The following EDN1 variants were observed in gnomAD, a reference collection of about 807,000 sequenced individuals.
EDN1 encodes the protein endothelin 1.
Under a neutral mutation model 21.7 loss-of-function variants are expected in EDN1, and 11 were observed. That is an observed-to-expected ratio of 0.51 (90% confidence interval 0.32 to 0.84). The LOEUF is 0.84. Among genes scored for constraint, EDN1 ranks in the 40% least tolerant of loss-of-function variants. The pLI is 0.03. For synonymous variants in EDN1, 85 were observed against 90.6 expected, an observed-to-expected ratio of 0.94 and a Z score of 0.35; for missense variants, 244 against 262.3, an observed-to-expected ratio of 0.93 and a Z score of 0.48.
At chr6:12,269,949 G>C in the EDN1 span, among the ~76,000 whole-genome samples, 1 of 152,002 alleles carries the variant, frequency 6.6e-6, no homozygotes, top group South Asian at 2.1e-4. Context: ...GCTTTTCTTT[G>C]ATGGGAGATG....
the EDN1 span, among the ~76,000 whole-genome samples, chr6:12,244,089 G>A: frequency 6.6e-6 from 1 of 151,908 alleles, no homozygotes; most frequent in Non-Finnish European, 1.5e-5. Context: ...TTTCATTTGT[G>A]TGGGTTACAT....
chr6:12,284,563 AAAGC>A, the EDN1 span, among the ~76,000 whole-genome samples: 163 of 149,734 alleles, frequency 1.1e-3, no homozygotes, highest in Non-Finnish European at 1.3e-3. Context: ...GAAGGAAGGA[AAAGC>A]AAGCAAGCAA....
At chr6:12,253,933 G>A in the EDN1 span, among the ~76,000 whole-genome samples, 1 of 151,970 alleles carries the variant, frequency 6.6e-6, no homozygotes, top group Admixed American at 6.6e-5. Context: ...TTCCCTTTGT[G>A]CTTTCTGACA....
At chr6:12,260,509 T>G in the EDN1 span, among the ~76,000 whole-genome samples, 3 of 152,198 alleles carry the variant, frequency 2.0e-5, no homozygotes, top group Non-Finnish European at 2.9e-5. Context: ...ACCTTAGATA[T>G]TGATTTCTGC....
At chr6:12,235,451 C>CCTGA in the EDN1 span, among the ~76,000 whole-genome samples, 1 of 152,164 alleles carries the variant, frequency 6.6e-6, no homozygotes, top group Non-Finnish European at 1.5e-5. Flanking sequence ...TTCATAACTC[C>CCTGA]CTGACTCTCC....
At chr6:12,233,025 A>G in the EDN1 span, among the ~76,000 whole-genome samples, 3 of 152,312 alleles carry the variant, frequency 2.0e-5, no homozygotes, top group African/African-American at 7.2e-5. Flanking sequence ...CTAGAAAACA[A>G]TCTTAGAGCT....
chr6:12,244,279 A>G, the EDN1 span, among the ~76,000 whole-genome samples: 2 of 152,338 alleles, frequency 1.3e-5, no homozygotes, highest in South Asian at 4.1e-4. Flanking sequence ...CAGGTAATGC[A>G]TCAATCATTT....
rs1762768559 is a variant in EDN1, at chr6:12,294,345, G to A, written c.474G>A (p.Gln158=). The part of the protein sequence containing the change: ...CSKLGKKCIY[Q]QLVRGRKIRR... ...AGCTTGGGAAAAAGTGTATTTATCA[G>A]CAGTTAGTGAGAGGAAGAAAAATCA... is the stretch of plus-strand genomic sequence containing the variant. Residue 158 remains glutamine, a synonymous_variant, in exon 4 of 5, where the codon CAG becomes CAA. Coordinates refer to ENST00000379375, the MANE Select transcript of EDN1 (RefSeq NM_001955.5). The A allele has an allele frequency of 6.2e-7, 1 of 1,614,066 alleles. No individual in the cohort carries two copies. Among genetic ancestry groups the A allele is most frequent in the Non-Finnish European group, 8.5e-7 (1 of 1,180,036 alleles).
chr6:12,285,894 T>C (rs774033024), upstream of EDN1, among the ~76,000 whole-genome samples: 36 of 152,226 alleles, frequency 2.4e-4, no homozygotes, highest in Non-Finnish European at 4.4e-4. Flanking sequence ...AATGAATGTA[T>C]AATGATTAAA....
chr6:12,263,948 A>G, the EDN1 span, among the ~76,000 whole-genome samples: 2 of 152,174 alleles, frequency 1.3e-5, no homozygotes, highest in East Asian at 3.8e-4. Context: ...TGAGTTCATG[A>G]ATTGTTATTT....
the EDN1 span, among the ~76,000 whole-genome samples, chr6:12,270,626 G>A: frequency 6.6e-6 from 1 of 151,958 alleles, no homozygotes; most frequent in Non-Finnish European, 1.5e-5. Context: ...CTTCCACTGT[G>A]GTCTGAAAAG....
At chr6:12,267,526 C>T in the EDN1 span, among the ~76,000 whole-genome samples, 1 of 152,144 alleles carries the variant, frequency 6.6e-6, no homozygotes, top group Admixed American at 6.5e-5. Flanking sequence ...CCTAACTATT[C>T]GATTCTATGA....
chr6:12,263,318 T>A, the EDN1 span, among the ~76,000 whole-genome samples: 3 of 152,202 alleles, frequency 2.0e-5, no homozygotes, highest in African/African-American at 7.2e-5. Flanking sequence ...GGGAACACTG[T>A]CCAGTCTTCA....
intron 4 of EDN1, among the ~76,000 whole-genome samples, chr6:12,295,580 C>T (rs1762803564): frequency 6.6e-6 from 1 of 152,048 alleles, no homozygotes; most frequent in Middle Eastern, 3.2e-3. Flanking sequence ...ACTAAGTCAC[C>T]GTCAATTTAT....
the EDN1 span, among the ~76,000 whole-genome samples, chr6:12,267,245 T>C: frequency 8.5e-5 from 13 of 152,344 alleles, no homozygotes; most frequent in African/African-American, 2.9e-4. Flanking sequence ...TTTCAAACTT[T>C]ATAATTATTA....
At position 12,294,251 on chromosome 6, in the gene EDN1, A is replaced by T. The variant is rs1762766261; in HGVS notation, c.390-10A>T. 1.2e-6 allele frequency: 2 copies of T among 1,614,160 alleles called. No homozygotes were observed. The highest frequency in any genetic ancestry group is 1.7e-6 in the Non-Finnish European group (2 of 1,180,020). On this transcript the variant is annotated splice_polypyrimidine_tract_variant and intron_variant, in intron 3 of 4. Transcript: ENST00000379375. ...ATTGCTGAAATGTTTTTCCTTGTGTATTTTAACAGGGCTGAAGACATTATG... is the reference window on the plus strand; with the variant it reads ...ATTGCTGAAATGTTTTTCCTTGTGTTTTTTAACAGGGCTGAAGACATTATG...
the EDN1 span, among the ~76,000 whole-genome samples, chr6:12,278,657 C>T: frequency 2.0e-5 from 3 of 152,212 alleles, no homozygotes; most frequent in South Asian, 4.2e-4. Flanking sequence ...TTTCGGAGGC[C>T]GAGGCGGGCA....
chr6:12,260,703 G>A, the EDN1 span, among the ~76,000 whole-genome samples: 1 of 152,124 alleles, frequency 6.6e-6, no homozygotes, highest in Admixed American at 6.6e-5. Context: ...TCCCTCTGGA[G>A]TTTCTGATTG....
the EDN1 span, among the ~76,000 whole-genome samples, chr6:12,247,819 G>T: frequency 6.6e-6 from 1 of 151,996 alleles, no homozygotes; most frequent in Non-Finnish European, 1.5e-5. Flanking sequence ...GATTACAGGT[G>T]TCAGCAACCA....
Sources: allele counts gnomAD v4.1 joint callset (sites outside exome capture counted in the v4.1 genomes callset), GRCh38; gene constraint gnomAD v4.1.1; transcripts MANE v1.5; gene names NCBI Gene and HGNC (gene_info 2026-07-23, HGNC 2026-07-21).